Variants in ARSB observed in about 807,000 individuals in gnomAD.
ARSB encodes N-acetylgalactosamine-4-sulfatase.
Under a neutral mutation model 50.9 loss-of-function variants are expected in ARSB, and 41 were observed. That is an observed-to-expected ratio of 0.81 (90% confidence interval 0.63 to 1.04). ARSB has a LOEUF of 1.04. ARSB is among the 50% of genes least tolerant of loss of function. The pLI is 0.00. For missense variants in ARSB, 672 were observed against 693.3 expected, an observed-to-expected ratio of 0.97 and a Z score of 0.35; for synonymous variants, 269 against 284.8, an observed-to-expected ratio of 0.94 and a Z score of 0.56.
chr5:78,966,646 A>C (rs1752217058), intron 2 of ARSB, among the ~76,000 whole-genome samples: 2 of 152,352 alleles, frequency 1.3e-5, no homozygotes, highest in South Asian at 4.1e-4. Context: ...AATCCAGGTT[A>C]GGCTTCTTAA....
intron 4 of ARSB, among the ~76,000 whole-genome samples, chr5:78,903,266 C>G (rs180763766): frequency 6.6e-6 from 1 of 152,256 alleles, no homozygotes; most frequent in Admixed American, 6.5e-5. Flanking sequence ...AAGAAAAAAT[C>G]CTACATTCAG....
At chr5:78,961,798 T>G (rs752063172) in intron 3 of ARSB, among the ~76,000 whole-genome samples, 2 of 151,892 alleles carry the variant, frequency 1.3e-5, no homozygotes, top group Non-Finnish European at 2.9e-5. Flanking sequence ...AGGAATGCCC[T>G]GAATGACCCA....
At chr5:78,900,107 G>C (rs1051323776) in intron 4 of ARSB, among the ~76,000 whole-genome samples, 3 of 152,102 alleles carry the variant, frequency 2.0e-5, no homozygotes, top group Admixed American at 6.5e-5. Flanking sequence ...ATTATCCCAG[G>C]TATGTTCTAC....
chr5:78,932,355 G>C (rs968751124), intron 4 of ARSB, among the ~76,000 whole-genome samples: 5 of 152,224 alleles, frequency 3.3e-5, no homozygotes, highest in African/African-American at 1.2e-4. Flanking sequence ...CCTAACTGTG[G>C]TAAGAGGACA....
At chr5:78,813,668 G>A (rs1020288349) in intron 6 of ARSB, among the ~76,000 whole-genome samples, 9 of 152,038 alleles carry the variant, frequency 5.9e-5, no homozygotes, top group African/African-American at 2.2e-4. Flanking sequence ...GAGGTGGGAG[G>A]ATCACTTGAG....
intron 5 of ARSB, among the ~76,000 whole-genome samples, chr5:78,848,313 C>T (rs113466349): frequency 0.12 from 10,359 of 88,044 alleles, 451 homozygotes; most frequent in Middle Eastern, 0.2. Flanking sequence ...TGAGAACATG[C>T]GGTGTTTGGT....
chr5:78,977,168 C>G (rs541503526), intron 1 of ARSB, among the ~76,000 whole-genome samples: 27,767 of 143,840 alleles, frequency 0.19, 3,078 homozygotes, highest in East Asian at 0.32. Context: ...CACTTCCCCC[C>G]CGCGAGATGG....
intron 4 of ARSB, among the ~76,000 whole-genome samples, chr5:78,942,152 A>G (rs906014446): frequency 1.4e-4 from 21 of 150,474 alleles, no homozygotes; most frequent in Middle Eastern, 3.4e-3. Flanking sequence ...TTTTTATTGC[A>G]TCTATTTGAT....
intron 1 of ARSB, among the ~76,000 whole-genome samples, chr5:78,984,473 T>A (rs1044668797): frequency 6.6e-6 from 1 of 152,150 alleles, no homozygotes; most frequent in African/African-American, 2.4e-5. Flanking sequence ...TAATCTTTGG[T>A]GGGACACTCC....
Position 78,862,856 on chromosome 5 carries a change from T to G in ARSB, c.1142+22728A>C, listed in dbSNP as rs548703109. 9.8e-5 allele frequency among the ~76,000 whole-genome samples: 15 copies of G among 152,298 alleles called. No homozygotes were observed. The South Asian group carries it at 2.9e-3, about 29-fold the overall frequency. On this transcript the variant is annotated intron_variant, in intron 5 of 7. Transcript: ENST00000264914. ...GGAGAAAATTTTTACAATTTACCCA[T>G]GTAACAAAGGGCTAATATCCAGAAT...
chr5:78,854,029 C>T (rs1465402982), intron 5 of ARSB, among the ~76,000 whole-genome samples: 2 of 152,258 alleles, frequency 1.3e-5, no homozygotes, highest in African/African-American at 2.4e-5. Context: ...GGCAATGCCT[C>T]GCCCTGCTTA....
At chr5:78,788,007 A>C (rs1187534424) in intron 6 of ARSB, among the ~76,000 whole-genome samples, 1 of 152,198 alleles carries the variant, frequency 6.6e-6, no homozygotes, top group African/African-American at 2.4e-5. Flanking sequence ...AATATGAGGA[A>C]GTGAACCAGT....
chr5:78,976,630 AAGAG>A (rs1414247565), intron 1 of ARSB, among the ~76,000 whole-genome samples: 1 of 152,216 alleles, frequency 6.6e-6, no homozygotes, highest in East Asian at 1.9e-4. Flanking sequence ...TTTAAAGAAA[AAGAG>A]AGAATATGTA....
intron 5 of ARSB, among the ~76,000 whole-genome samples, chr5:78,872,567 C>CA (rs1374407595): frequency 7.4e-6 from 1 of 134,726 alleles, no homozygotes; most frequent in Non-Finnish European, 1.6e-5. Context: ...ATCGCAAGAA[C>CA]AAAAAACCAA....
At chr5:78,924,961 C>A (rs1445541279) in intron 4 of ARSB, among the ~76,000 whole-genome samples, 2 of 152,208 alleles carry the variant, frequency 1.3e-5, no homozygotes, top group African/African-American at 4.8e-5. Flanking sequence ...TTCACACCTG[C>A]AAACATATTC....
At chr5:78,824,756 G>C (rs1457390549) in intron 6 of ARSB, among the ~76,000 whole-genome samples, 4 of 152,178 alleles carry the variant, frequency 2.6e-5, no homozygotes, top group Non-Finnish European at 1.5e-5. Flanking sequence ...CAACTGCTGA[G>C]AGAGACAGTA....
intron 6 of ARSB, among the ~76,000 whole-genome samples, chr5:78,793,255 T>C (rs1743048050): frequency 6.6e-6 from 1 of 152,178 alleles, no homozygotes; most frequent in South Asian, 2.1e-4. Context: ...GCTGGAGCAA[T>C]TTGAAAGATC....
intron 5 of ARSB, among the ~76,000 whole-genome samples, chr5:78,860,020 C>A (rs1054373399): frequency 7.9e-5 from 12 of 152,146 alleles, no homozygotes; most frequent in Admixed American, 2.0e-4. Context: ...TTAGTTTGAA[C>A]TTAAAAACAT....
chr5:78,877,830 G>T (rs909935639), intron 5 of ARSB, among the ~76,000 whole-genome samples: 1 of 152,172 alleles, frequency 6.6e-6, no homozygotes, highest in Admixed American at 6.5e-5. Flanking sequence ...AACCAACTGA[G>T]AAGTGATATA....
Sources: allele counts gnomAD v4.1 joint callset (sites outside exome capture counted in the v4.1 genomes callset), GRCh38; gene constraint gnomAD v4.1.1; transcripts MANE v1.5; gene names NCBI Gene and HGNC (gene_info 2026-07-23, HGNC 2026-07-21).